CNTN1: variants seen among roughly 807,000 people sequenced by gnomAD.
CNTN1 encodes the protein contactin-1.
Under a neutral mutation model 126.4 loss-of-function variants are expected in CNTN1, and 38 were observed. The ratio of observed to expected loss-of-function variants is 0.30; its 90% confidence interval spans 0.23 to 0.39. The LOEUF is 0.39. Ranked by LOEUF, CNTN1 falls within the 10% of genes least tolerant of loss-of-function variation. CNTN1 has a pLI of 1.00. For missense variants in CNTN1, 1,009 were observed against 1,248.4 expected, an observed-to-expected ratio of 0.81 and a Z score of 2.89; for synonymous variants, 413 against 422.6, an observed-to-expected ratio of 0.98 and a Z score of 0.28.
chr12:40,996,852 C>T (rs964244372), intron 17 of CNTN1, among the ~76,000 whole-genome samples: 5 of 152,108 alleles, frequency 3.3e-5, no homozygotes, highest in Non-Finnish European at 5.9e-5. Flanking sequence ...AATAAAAATA[C>T]TTTCTAAATG....
At chr12:40,721,480 TA>T (rs1942210706) in intron 1 of CNTN1, among the ~76,000 whole-genome samples, 1 of 152,098 alleles carries the variant, frequency 6.6e-6, no homozygotes, top group South Asian at 2.1e-4. Context: ...TCTCAAAACT[TA>T]ATATATTCAT....
chr12:40,788,865 A>T (rs905491968), intron 1 of CNTN1, among the ~76,000 whole-genome samples: 1 of 152,100 alleles, frequency 6.6e-6, no homozygotes, highest in African/African-American at 2.4e-5. Context: ...AGGATTAATG[A>T]GATGACATAT....
chr12:40,788,532 C>T (rs182433496), intron 1 of CNTN1, among the ~76,000 whole-genome samples: 1 of 152,144 alleles, frequency 6.6e-6, no homozygotes, highest in East Asian at 1.9e-4. Context: ...CCAGCAGCCT[C>T]AGTCAAGAAC....
intron 1 of CNTN1, among the ~76,000 whole-genome samples, chr12:40,727,545 CAT>C (rs1466193388): frequency 6.6e-6 from 1 of 151,356 alleles, no homozygotes; most frequent in African/African-American, 2.4e-5. Context: ...ATAATATAAA[CAT>C]ATTGGATTTA....
At chr12:41,007,758 A>G (rs1324353462) in intron 17 of CNTN1, among the ~76,000 whole-genome samples, 1 of 152,164 alleles carries the variant, frequency 6.6e-6, no homozygotes, top group South Asian at 2.1e-4. Context: ...GACTGGTGCC[A>G]TCTTCTCTGC....
chr12:40,733,173 T>C (rs1327290572), intron 1 of CNTN1, among the ~76,000 whole-genome samples: 1 of 152,082 alleles, frequency 6.6e-6, no homozygotes, highest in Non-Finnish European at 1.5e-5. Flanking sequence ...TGTTGGCTGA[T>C]GTTACACTTG....
At chr12:40,734,508 G>A (rs1779204886) in intron 1 of CNTN1, among the ~76,000 whole-genome samples, 1 of 152,108 alleles carries the variant, frequency 6.6e-6, no homozygotes, top group African/African-American at 2.4e-5. Flanking sequence ...CTTCTGCACT[G>A]AGACATTTAA....
intron 5 of CNTN1, among the ~76,000 whole-genome samples, chr12:40,922,899 A>G (rs912239863): frequency 4.8e-5 from 7 of 144,790 alleles, no homozygotes; most frequent in Admixed American, 7.2e-5. Flanking sequence ...GGAACCTGGG[A>G]GGCGGAGGTT....
chr12:40,939,295 C>G (rs1267398630), intron 11 of CNTN1, 40 bp from the exon 12 acceptor site: 1 of 1,607,106 alleles, frequency 6.2e-7, no homozygotes, highest in East Asian at 2.2e-5. Context: ...TTAGGCTTTA[C>G]AAACAGAAAG....
rs532369404 is a variant in CNTN1 at position 40,704,160 on chromosome 12, A to C, written c.-77+11568A>C. On this transcript the variant is annotated intron_variant, in intron 1 of 23. Coordinates refer to ENST00000551295, the MANE Select transcript of CNTN1 (RefSeq NM_001843.4). ...GAAGTATGTGTCTTATTCTCGGAGC[A>C]ATGGTTTAAAGAAAGGCAGTGATTT... Among the ~76,000 whole-genome samples the C allele has an allele frequency of 2.6e-5, 4 of 152,336 alleles. No individual in the cohort carries two copies. The East Asian group carries it at 7.7e-4, about 29-fold the overall frequency.
intron 1 of CNTN1, among the ~76,000 whole-genome samples, chr12:40,906,911 C>T (rs1944851958): frequency 1.3e-5 from 2 of 152,036 alleles, no homozygotes; most frequent in Admixed American, 1.3e-4. Flanking sequence ...CTCCTGACCT[C>T]AGGTGATCTA....
At chr12:40,933,071 G>T (rs1045585068) in intron 7 of CNTN1, among the ~76,000 whole-genome samples, 2 of 150,676 alleles carry the variant, frequency 1.3e-5, no homozygotes, top group African/African-American at 4.9e-5. Context: ...TTAGTTTCTT[G>T]CCTTGCGTCT....
intron 1 of CNTN1, among the ~76,000 whole-genome samples, chr12:40,904,965 A>G (rs1481712844): frequency 2.6e-5 from 4 of 152,242 alleles, no homozygotes; most frequent in African/African-American, 7.2e-5. Flanking sequence ...GCACAACTTT[A>G]TGCAAACCTT....
intron 1 of CNTN1, among the ~76,000 whole-genome samples, chr12:40,829,495 C>G (rs543363609): frequency 2.6e-4 from 40 of 152,086 alleles, no homozygotes; most frequent in African/African-American, 8.2e-4. Context: ...AAAAGTATCA[C>G]TTTATTTTTT....
chr12:40,919,039 A>C (rs1289249785), intron 4 of CNTN1, among the ~76,000 whole-genome samples: 2 of 152,158 alleles, frequency 1.3e-5, no homozygotes, highest in African/African-American at 2.4e-5. Flanking sequence ...TATAATGGAA[A>C]TCATGTTTTT....
intron 1 of CNTN1, among the ~76,000 whole-genome samples, chr12:40,897,658 C>A (rs918937333): frequency 1.3e-5 from 2 of 151,934 alleles, no homozygotes; most frequent in African/African-American, 4.8e-5. Flanking sequence ...GATATAAATT[C>A]GAATAAAAAG....
chr12:40,755,918 G>A (rs1011058712), intron 1 of CNTN1, among the ~76,000 whole-genome samples: 1 of 152,122 alleles, frequency 6.6e-6, no homozygotes, highest in African/African-American at 2.4e-5. Flanking sequence ...TACTAATCTA[G>A]AAGAATGGGA....
intron 1 of CNTN1, among the ~76,000 whole-genome samples, chr12:40,757,433 C>T (rs1938657879): frequency 6.6e-6 from 1 of 152,064 alleles, no homozygotes; most frequent in Non-Finnish European, 1.5e-5. Flanking sequence ...TGACCCTTTC[C>T]TCAAGAAACA....
At chr12:40,935,720 T>C (rs753997839) in intron 9 of CNTN1, among the ~76,000 whole-genome samples, 1 of 152,034 alleles carries the variant, frequency 6.6e-6, no homozygotes, top group Non-Finnish European at 1.5e-5. Context: ...TATCTCCCTA[T>C]GTTACAAATA....
Sources: allele counts gnomAD v4.1 joint callset (sites outside exome capture counted in the v4.1 genomes callset), GRCh38; gene constraint gnomAD v4.1.1; transcripts MANE v1.5; gene names NCBI Gene and HGNC (gene_info 2026-07-23, HGNC 2026-07-21).